The following BORCS8 variants were observed in gnomAD, a reference collection of about 807,000 sequenced individuals.
BORCS8 encodes the protein BLOC-1-related complex subunit 8.
A neutral mutation model predicts 18.7 loss-of-function variants in BORCS8; 13 were observed. The observed-to-expected ratio is 0.70, with a 90% CI of 0.45 to 1.11. The LOEUF (loss-of-function observed/expected upper bound fraction) is 1.11, where lower values mean the gene tolerates loss of function less well. BORCS8 is among the 50% of genes least tolerant of loss of function. The probability of loss-of-function intolerance (pLI) is 0.00; values close to 1 mark genes in which losing one functional copy is unlikely to be tolerated. For missense variants in BORCS8, 165 were observed against 165.7 expected, an observed-to-expected ratio of 1.00 and a Z score of 0.02; for synonymous variants, 68 against 64.8, an observed-to-expected ratio of 1.05 and a Z score of -0.24.
chr19:19,181,562 A>G lies in BORCS8; in HGVS notation c.327-801T>C, dbSNP rs150674379. ...AAGCATTTTTGGAAACCCTGAGTTG[A>G]CAGTAAGAGCTATGGCTTTTCAGTG... On this transcript the variant is annotated intron_variant, in intron 4 of 5. Transcript: ENST00000462790. 9.6e-4 allele frequency among the ~76,000 whole-genome samples: 146 copies of G among 152,300 alleles called. 1 individual carries two copies. The highest frequency in any genetic ancestry group is 2.4e-3 in the African/African-American group (100 of 41,572).
chr19:19,187,691 A>G (rs2060424247), intron 1 of BORCS8, among the ~76,000 whole-genome samples: 1 of 151,484 alleles, frequency 6.6e-6, no homozygotes, highest in Non-Finnish European at 1.5e-5. Flanking sequence ...GGCATGCACC[A>G]CCACGCCCAG....
chr19:19,180,163 T>G (rs2060334760), intron 5 of BORCS8: 1 of 163,158 alleles, frequency 6.1e-6, no homozygotes, highest in Non-Finnish European at 1.4e-5. Flanking sequence ...CATCCGTCAC[T>G]GTGCCCTGCA....
intron 1 of BORCS8, among the ~76,000 whole-genome samples, chr19:19,191,779 A>T (rs528000210): frequency 6.6e-6 from 1 of 151,982 alleles, no homozygotes; most frequent in Admixed American, 6.6e-5. Flanking sequence ...AGATCTCACT[A>T]TGTCACCTAG....
At chr19:19,191,926 C>A (rs1424348802) in intron 1 of BORCS8, among the ~76,000 whole-genome samples, 155 bp downstream of exon 1, 1 of 152,192 alleles carries the variant, frequency 6.6e-6, no homozygotes, top group African/African-American at 2.4e-5. Flanking sequence ...GACACGGAGC[C>A]TTTCTACAGG....
At chr19:19,191,794 G>T (rs2060483523) in intron 1 of BORCS8, among the ~76,000 whole-genome samples, 1 of 152,042 alleles carries the variant, frequency 6.6e-6, no homozygotes. Flanking sequence ...ACCTAGGCTG[G>T]TCTCGGGCTC....
chr19:19,192,127 G>A lies in BORCS8; in HGVS notation c.-10C>T, dbSNP rs1326847214. On this transcript the variant is annotated 5_prime_UTR_variant, in exon 1 of 6. Transcript: ENST00000462790. ...TCTCCGGCTCCTCCATAGCGACCGC[G>A]GCCGAGCGAACCGGGAAACGGCACC... 3 of 1,551,102 alleles carry A rather than the reference G, an allele frequency of 1.9e-6. No homozygotes were observed. Among genetic ancestry groups the A allele is most frequent in the East Asian group, 2.4e-5 (1 of 40,920 alleles).
intron 1 of BORCS8, among the ~76,000 whole-genome samples, chr19:19,188,621 C>A (rs564117479): frequency 6.6e-6 from 1 of 152,154 alleles, no homozygotes. Flanking sequence ...CCCAGGAGGG[C>A]CTCAGCTGCC....
At chr19:19,189,151 G>C (rs1463523446) in intron 1 of BORCS8, among the ~76,000 whole-genome samples, 2 of 151,998 alleles carry the variant, frequency 1.3e-5, no homozygotes, top group Non-Finnish European at 1.5e-5. Flanking sequence ...TTAATTGCAC[G>C]CAAATCCTCA....
intron 1 of BORCS8, 129 bp downstream of exon 1, chr19:19,191,952 G>A (rs1185571463): frequency 2.7e-6 from 3 of 1,125,504 alleles, no homozygotes; most frequent in Admixed American, 2.2e-5. Flanking sequence ...AAACTAGTCA[G>A]CGGCAGAGCT....
Position 19,182,551 on chromosome 19 carries a change from G to A in BORCS8, c.326+22C>T. 1 of 1,547,054 alleles carries A rather than the reference G, an allele frequency of 6.5e-7. No homozygotes were observed. The highest frequency in any genetic ancestry group is 2.0e-5 in the Admixed American group (1 of 50,686). On this transcript the variant is annotated intron_variant, in intron 4 of 5. Transcript: ENST00000462790. This position sits in a 1 kb window ranked among gnomAD's most constrained non-coding sequence, Gnocchi z 4.1. ...CCTTGCAGCTGGGAGTGGCAGTGGG[G>A]GCGGGCGGTCCCAGGAGCTACCTGT...
At chr19:19,177,689 GAAGGAAGAGAAAAGAAAAGA>G (rs1444532168) in intron 5 of BORCS8, 1,392 of 57,180 alleles carry the variant, frequency 0.024, 40 homozygotes, top group Non-Finnish European at 0.031. Flanking sequence ...AGGAAGGAAG[GAAGGAAGAGAAAAGAAAAGA>G]AAAGAAAAGA....
chr19:19,186,434 C>G (rs1230069103), intron 2 of BORCS8, among the ~76,000 whole-genome samples: 1 of 152,204 alleles, frequency 6.6e-6, no homozygotes, highest in Non-Finnish European at 1.5e-5. Context: ...TTCCCATAAT[C>G]CCCATGTGTT....
intron 1 of BORCS8, among the ~76,000 whole-genome samples, chr19:19,189,742 C>T (rs1240641443): frequency 6.6e-6 from 1 of 152,082 alleles, no homozygotes; most frequent in Non-Finnish European, 1.5e-5. Context: ...ATGGCGAAAC[C>T]CCACCTCTAT....
chr19:19,188,547 G>A (rs1035675491), intron 1 of BORCS8, among the ~76,000 whole-genome samples: 4 of 152,040 alleles, frequency 2.6e-5, no homozygotes, highest in African/African-American at 9.7e-5. Flanking sequence ...TTTTGCCCCC[G>A]TGACCACACT....
intron 3 of BORCS8, among the ~76,000 whole-genome samples, chr19:19,184,112 C>T (rs904480710): frequency 1.3e-5 from 2 of 151,450 alleles, no homozygotes; most frequent in African/African-American, 2.4e-5. Context: ...TAACTCCTGC[C>T]GCAAGTGATC....
chr19:19,190,969 C>T (rs2060465442), intron 1 of BORCS8, among the ~76,000 whole-genome samples: 1 of 152,138 alleles, frequency 6.6e-6, no homozygotes, highest in Admixed American at 6.6e-5. Flanking sequence ...ATCTGCCCTA[C>T]ACGAAGCACT....
intron 3 of BORCS8, among the ~76,000 whole-genome samples, chr19:19,183,497 G>C (rs954316798): frequency 5.3e-5 from 8 of 152,266 alleles, no homozygotes; most frequent in Middle Eastern, 3.4e-3. Context: ...CAACTTCTGT[G>C]GTGATGAAAA....
intron 1 of BORCS8, 113 bp from the exon 2 acceptor site, chr19:19,187,118 G>C: frequency 1.3e-6 from 1 of 741,150 alleles, no homozygotes; most frequent in South Asian, 1.7e-5. Flanking sequence ...GTGTCCCTCC[G>C]CAGCTAGGTC....
chr19:19,187,676 T>A (rs1163237039), intron 1 of BORCS8, among the ~76,000 whole-genome samples: 2 of 148,248 alleles, frequency 1.3e-5, no homozygotes, highest in South Asian at 4.3e-4. Flanking sequence ...GTAGCTGGGA[T>A]TACAGGCATG....
Sources: allele counts gnomAD v4.1 joint callset (sites outside exome capture counted in the v4.1 genomes callset), GRCh38; gene constraint gnomAD v4.1.1; non-coding constraint Gnocchi (gnomAD v3.1); transcripts MANE v1.5; gene names NCBI Gene and HGNC (gene_info 2026-07-23, HGNC 2026-07-21).